The following SPATA6 variants were observed in gnomAD, a reference collection of about 807,000 sequenced individuals.
SPATA6 encodes spermatogenesis associated 6.
A neutral mutation model predicts 65.3 loss-of-function variants in SPATA6; 56 were observed. That is an observed-to-expected ratio of 0.86 (90% CI 0.69 to 1.07). SPATA6 has a LOEUF of 1.07. SPATA6 is among the 50% of genes least tolerant of loss of function. SPATA6 has a pLI of 0.00. For missense variants in SPATA6, 590 were observed against 594.8 expected (o/e 0.99, Z 0.08); for synonymous variants, 199 against 213.2 (o/e 0.93, Z 0.58).
intron 11 of SPATA6, among the ~76,000 whole-genome samples, chr1:48,342,403 C>T (rs1646243137): frequency 6.6e-6 from 1 of 151,954 alleles, no homozygotes; most frequent in African/African-American, 2.4e-5. Flanking sequence ...ATCACAAGGT[C>T]AGAAGATCGA....
chr1:48,314,013 C>A (rs1324451080), intron 11 of SPATA6, among the ~76,000 whole-genome samples: 1 of 152,138 alleles, frequency 6.6e-6, no homozygotes, highest in South Asian at 2.1e-4. Context: ...CATATGCACC[C>A]AATACAGGAG....
intron 11 of SPATA6, among the ~76,000 whole-genome samples, chr1:48,345,516 T>C (rs149954555): frequency 6.6e-5 from 10 of 152,040 alleles, no homozygotes; most frequent in East Asian, 3.9e-4. Flanking sequence ...CTGAAAGTGA[T>C]TGACACGAAA....
At chr1:48,355,483 A>G (rs1299140024) in intron 11 of SPATA6, 187 bp downstream of exon 11, 2 of 475,778 alleles carry the variant, frequency 4.2e-6, no homozygotes, top group South Asian at 4.0e-5. Context: ...AACATTTTGC[A>G]TAATGACTTA....
intron 9 of SPATA6, among the ~76,000 whole-genome samples, chr1:48,367,411 T>C (rs1647059147): frequency 6.6e-6 from 1 of 152,156 alleles, no homozygotes; most frequent in South Asian, 2.1e-4. Context: ...AAGTCTCCCA[T>C]TATTATTGTG....
chr1:48,274,118 T>C, the SPATA6 span, among the ~76,000 whole-genome samples: 1 of 152,206 alleles, frequency 6.6e-6, no homozygotes, highest in Admixed American at 6.5e-5. Context: ...TTTTTTCATA[T>C]GTTTGTTGGC....
At chr1:48,278,879 T>A in the SPATA6 span, among the ~76,000 whole-genome samples, 1 of 152,182 alleles carries the variant, frequency 6.6e-6, no homozygotes, top group South Asian at 2.1e-4. Context: ...CACATAATTG[T>A]CAGATTCACC....
chr1:48,310,269 C>T (rs1645169943), intron 11 of SPATA6, among the ~76,000 whole-genome samples: 1 of 152,190 alleles, frequency 6.6e-6, no homozygotes, highest in Non-Finnish European at 1.5e-5. Flanking sequence ...AGGCAATCTC[C>T]AGCAAGTCAA....
chr1:48,384,054 C>T (rs1368746409), intron 9 of SPATA6, among the ~76,000 whole-genome samples: 2 of 151,276 alleles, frequency 1.3e-5, no homozygotes, highest in Non-Finnish European at 2.9e-5. Flanking sequence ...CCATTGAGCA[C>T]TGAGTGAACG....
chr1:48,367,372 ATCTG>A (rs1647057326), intron 9 of SPATA6, among the ~76,000 whole-genome samples: 1 of 152,088 alleles, frequency 6.6e-6, no homozygotes, highest in South Asian at 2.1e-4. Context: ...TGTCTCGTTA[ATCTG>A]TCTAATGTTG....
intron 3 of SPATA6, among the ~76,000 whole-genome samples, chr1:48,440,762 T>TA (rs765997237): frequency 6.6e-6 from 1 of 152,170 alleles, no homozygotes; most frequent in African/African-American, 2.4e-5. Context: ...TCCTAAAAGA[T>TA]AAGTTTATTA....
intron 11 of SPATA6, among the ~76,000 whole-genome samples, chr1:48,316,731 C>G (rs1192980144): frequency 6.6e-6 from 1 of 152,184 alleles, no homozygotes; most frequent in Non-Finnish European, 1.5e-5. Context: ...AAACTACCAT[C>G]AGAGTGAACA....
chr1:48,430,846 G>T (rs1333488032), intron 3 of SPATA6, among the ~76,000 whole-genome samples: 1 of 152,046 alleles, frequency 6.6e-6, no homozygotes, highest in Non-Finnish European at 1.5e-5. Flanking sequence ...AAAGAAGACA[G>T]TAATGCAGAA....
chr1:48,446,897 G>T (rs1222300040), intron 3 of SPATA6, among the ~76,000 whole-genome samples: 2 of 151,952 alleles, frequency 1.3e-5, no homozygotes, highest in African/African-American at 4.8e-5. Context: ...CCACATGTTT[G>T]AACTGCATAG....
At chr1:48,285,321 C>T in the SPATA6 span, among the ~76,000 whole-genome samples, 11,694 of 152,150 alleles carry the variant, frequency 0.077, 608 homozygotes, top group East Asian at 0.23. Context: ...GACTGCTGTG[C>T]TGGCTGCCAG....
At chr1:48,311,472 C>G (rs966360576) in intron 11 of SPATA6, among the ~76,000 whole-genome samples, 4 of 151,878 alleles carry the variant, frequency 2.6e-5, no homozygotes, top group Non-Finnish European at 5.9e-5. Context: ...GAACAAATTA[C>G]TAGAAAGATA....
intron 11 of SPATA6, among the ~76,000 whole-genome samples, chr1:48,338,353 A>T (rs191982069): frequency 1.1e-4 from 17 of 152,144 alleles, no homozygotes; most frequent in Non-Finnish European, 2.4e-4. Context: ...CATTTTCACA[A>T]TGATTGTATT....
At chr1:48,441,027 G>T (rs1344775201) in intron 3 of SPATA6, among the ~76,000 whole-genome samples, 1 of 152,154 alleles carries the variant, frequency 6.6e-6, no homozygotes, top group South Asian at 2.1e-4. Flanking sequence ...TACCAGTGTG[G>T]TTTGCAAGGA....
intron 3 of SPATA6, among the ~76,000 whole-genome samples, chr1:48,418,994 C>T (rs747108495): frequency 1.3e-4 from 20 of 152,234 alleles, no homozygotes; most frequent in Middle Eastern, 3.4e-3. Flanking sequence ...TCCATATATA[C>T]TAACACTATA....
intron 9 of SPATA6, among the ~76,000 whole-genome samples, chr1:48,385,027 A>G (rs1437998264): frequency 1.3e-5 from 2 of 152,336 alleles, no homozygotes; most frequent in African/African-American, 2.4e-5. Flanking sequence ...ATTACTGAAT[A>G]TAACAACTGA....
Sources: allele counts gnomAD v4.1 joint callset (sites outside exome capture counted in the v4.1 genomes callset), GRCh38; gene constraint gnomAD v4.1.1; transcripts MANE v1.5; gene names NCBI Gene and HGNC (gene_info 2026-07-23, HGNC 2026-07-21).